Variants in CNTNAP5 observed in about 807,000 individuals in gnomAD.
CNTNAP5 encodes contactin associated protein family member 5, also known as contactin-associated protein-like 5.
Under a neutral mutation model 150.2 loss-of-function variants are expected in CNTNAP5, and 72 were observed. That is an observed-to-expected ratio of 0.48 (90% CI 0.40 to 0.58). CNTNAP5 has a LOEUF of 0.58. Ranked by LOEUF, CNTNAP5 falls within the 20% of genes least tolerant of loss-of-function variation. The pLI is 0.00. For missense variants in CNTNAP5, 1,636 were observed against 1,626.2 expected, an observed-to-expected ratio of 1.01 and a Z score of -0.10; for synonymous variants, 672 against 619.8, an observed-to-expected ratio of 1.08 and a Z score of -1.25.
intron 2 of CNTNAP5, among the ~76,000 whole-genome samples, chr2:124,230,089 G>A (rs1159208454): frequency 6.6e-6 from 1 of 151,962 alleles, no homozygotes; most frequent in Non-Finnish European, 1.5e-5. Flanking sequence ...CAGCTCCCTG[G>A]GCTCATGGAT....
At chr2:124,464,012 C>G (rs1302890467) in intron 6 of CNTNAP5, among the ~76,000 whole-genome samples, 2 of 152,120 alleles carry the variant, frequency 1.3e-5, no homozygotes, top group Non-Finnish European at 2.9e-5. Flanking sequence ...AAGGTCAGCT[C>G]TAAGCATGGT....
At chr2:124,171,114 A>T (rs1684922775) in intron 1 of CNTNAP5, among the ~76,000 whole-genome samples, 1 of 152,178 alleles carries the variant, frequency 6.6e-6, no homozygotes, top group African/African-American at 2.4e-5. Context: ...AAAGAAGGTT[A>T]TTGCTTTTTC....
intron 12 of CNTNAP5, among the ~76,000 whole-genome samples, chr2:124,627,285 C>A (rs1677747163): frequency 6.6e-6 from 1 of 152,182 alleles, no homozygotes; most frequent in Admixed American, 6.5e-5. Context: ...CTGGGTGAGA[C>A]CTCCCAACAG....
chr2:124,191,733 G>A (rs529480410), intron 1 of CNTNAP5, among the ~76,000 whole-genome samples: 13 of 151,984 alleles, frequency 8.6e-5, no homozygotes, highest in Non-Finnish European at 1.5e-4. Flanking sequence ...TGACCAACAT[G>A]GTGAAACCTC....
chr2:124,314,172 G>A (rs748784747), intron 3 of CNTNAP5, among the ~76,000 whole-genome samples: 4 of 152,078 alleles, frequency 2.6e-5, no homozygotes, highest in African/African-American at 7.2e-5. Flanking sequence ...CAGACGTGCC[G>A]GCCTAGAGCT....
At chr2:124,901,784 A>G (rs1678418690) in intron 21 of CNTNAP5, among the ~76,000 whole-genome samples, 1 of 152,148 alleles carries the variant, frequency 6.6e-6, no homozygotes, top group Non-Finnish European at 1.5e-5. Flanking sequence ...CTCAGTTTAC[A>G]TGGGTGTTGA....
chr2:124,675,383 A>G (rs1678917124), intron 13 of CNTNAP5, among the ~76,000 whole-genome samples: 2 of 152,110 alleles, frequency 1.3e-5, no homozygotes, highest in Admixed American at 6.6e-5. Flanking sequence ...AACATATTCC[A>G]ATCATCATTT....
chr2:124,351,275 C>A (rs1172511793), intron 3 of CNTNAP5, among the ~76,000 whole-genome samples: 1 of 152,186 alleles, frequency 6.6e-6, no homozygotes, highest in Non-Finnish European at 1.5e-5. Flanking sequence ...TCCTTCAGGG[C>A]AGCCACTTTC....
chr2:124,170,600 T>G (rs557887706), intron 1 of CNTNAP5, among the ~76,000 whole-genome samples: 1 of 152,134 alleles, frequency 6.6e-6, no homozygotes, highest in Non-Finnish European at 1.5e-5. Context: ...GTGCCCTGGG[T>G]AAGCTACCAC....
chr2:124,214,729 T>C (rs1165713954), intron 1 of CNTNAP5, among the ~76,000 whole-genome samples: 1 of 152,182 alleles, frequency 6.6e-6, no homozygotes, highest in African/African-American at 2.4e-5. Flanking sequence ...AATGTATGGA[T>C]TATCTTTCAG....
At chr2:124,073,660 T>C (rs1403744711) in intron 1 of CNTNAP5, among the ~76,000 whole-genome samples, 3 of 151,278 alleles carry the variant, frequency 2.0e-5, no homozygotes, top group African/African-American at 4.8e-5. Flanking sequence ...CCAGTTAAAA[T>C]TGCTTTTATC....
chr2:124,365,630 C>T (rs528890779), intron 3 of CNTNAP5, among the ~76,000 whole-genome samples: 1 of 152,252 alleles, frequency 6.6e-6, no homozygotes, highest in Non-Finnish European at 1.5e-5. Flanking sequence ...ATTCCTTAGA[C>T]CTGAATTTGA....
intron 12 of CNTNAP5, among the ~76,000 whole-genome samples, chr2:124,628,604 A>G (rs1034511086): frequency 1.1e-4 from 17 of 152,198 alleles, no homozygotes; most frequent in African/African-American, 4.1e-4. Flanking sequence ...AGCAGCCACT[A>G]CAAAAACACA....
At chr2:124,054,275 G>C (rs1371957687) in intron 1 of CNTNAP5, among the ~76,000 whole-genome samples, 2 of 152,160 alleles carry the variant, frequency 1.3e-5, no homozygotes, top group African/African-American at 2.4e-5. Context: ...TTTGGGTGAG[G>C]GGAGATATGG....
At chr2:124,390,619 C>A (rs1691086950) in intron 3 of CNTNAP5, among the ~76,000 whole-genome samples, 1 of 152,128 alleles carries the variant, frequency 6.6e-6, no homozygotes, top group South Asian at 2.1e-4. Flanking sequence ...TTTCTAGTAG[C>A]TGAGGCAAAA....
At chr2:124,091,172 C>A (rs1250807505) in intron 1 of CNTNAP5, among the ~76,000 whole-genome samples, 1 of 152,090 alleles carries the variant, frequency 6.6e-6, no homozygotes, top group Non-Finnish European at 1.5e-5. Flanking sequence ...TAAGACCTCA[C>A]CTGGTAGGGT....
intron 3 of CNTNAP5, among the ~76,000 whole-genome samples, chr2:124,371,884 G>T (rs1435334686): frequency 2.0e-5 from 3 of 152,048 alleles, no homozygotes; most frequent in Admixed American, 1.3e-4. Flanking sequence ...CAAATCAACT[G>T]CAAAGAAGAT....
At chr2:124,390,198 A>T (rs1231142274) in intron 3 of CNTNAP5, among the ~76,000 whole-genome samples, 1 of 152,170 alleles carries the variant, frequency 6.6e-6, no homozygotes, top group Non-Finnish European at 1.5e-5. Flanking sequence ...CCAACAGCTG[A>T]CAGTCAACTC....
At chr2:124,884,564 G>C (rs1024436518) in intron 21 of CNTNAP5, among the ~76,000 whole-genome samples, 9 of 151,942 alleles carry the variant, frequency 5.9e-5, no homozygotes, top group African/African-American at 2.2e-4. Context: ...TGAAGAGTAG[G>C]GCTGGGCCTT....
Sources: allele counts gnomAD v4.1 joint callset (sites outside exome capture counted in the v4.1 genomes callset), GRCh38; gene constraint gnomAD v4.1.1; transcripts MANE v1.5; gene names NCBI Gene and HGNC (gene_info 2026-07-23, HGNC 2026-07-21).